BTC: variants seen among roughly 807,000 people sequenced by gnomAD.
BTC encodes betacellulin, also known as probetacellulin.
BTC carries 13 observed loss-of-function variants against 18.1 expected under a neutral mutation model. That is an observed-to-expected ratio of 0.72 (90% CI 0.47 to 1.14). The LOEUF is 1.14. Ranked by LOEUF, BTC falls within the 50% of genes most tolerant of loss-of-function variation. The pLI is 0.00. For synonymous variants in BTC, 83 were observed against 79.4 expected (o/e 1.05, Z -0.24); for missense variants, 247 against 224.2 (o/e 1.10, Z -0.65).
intron 1 of BTC, 71 bp from the exon 2 acceptor site, chr4:74,770,227 T>C (rs910331619): frequency 9.1e-6 from 10 of 1,099,598 alleles, no homozygotes; most frequent in African/African-American, 1.6e-5. Context: ...ATCAAAGTCA[T>C]CACCCATTTC....
At chr4:74,788,164 A>C (rs761775202) in intron 1 of BTC, among the ~76,000 whole-genome samples, 3 of 152,240 alleles carry the variant, frequency 2.0e-5, no homozygotes, top group Non-Finnish European at 4.4e-5. Flanking sequence ...TCAATAATTC[A>C]GGATTCCGAC....
chr4:74,793,085 T>C (rs1725677119), intron 1 of BTC, among the ~76,000 whole-genome samples: 1 of 152,242 alleles, frequency 6.6e-6, no homozygotes, highest in Admixed American at 6.5e-5. Context: ...CAAGCAATGC[T>C]GGCAAAAGCA....
chr4:74,770,572 A>G (rs1281297494), intron 1 of BTC, among the ~76,000 whole-genome samples: 1 of 152,202 alleles, frequency 6.6e-6, no homozygotes, highest in Non-Finnish European at 1.5e-5. Context: ...TCAGGTGTTA[A>G]CAACTGAATG....
intron 1 of BTC, among the ~76,000 whole-genome samples, chr4:74,771,728 A>C (rs1220284288): frequency 6.6e-6 from 1 of 152,252 alleles, no homozygotes. Flanking sequence ...GTAAATTAGT[A>C]CTGCTTTTCT....
At chr4:74,776,049 A>G (rs540371970) in intron 1 of BTC, among the ~76,000 whole-genome samples, 15 of 152,282 alleles carry the variant, frequency 9.9e-5, no homozygotes, top group African/African-American at 3.4e-4. Flanking sequence ...CTTTTTGCCT[A>G]TCACATTAAT....
chr4:74,760,734 ATTTTT>A (rs72231277), intron 2 of BTC, among the ~76,000 whole-genome samples: 6 of 135,868 alleles, frequency 4.4e-5, no homozygotes, highest in Admixed American at 7.4e-5. Context: ...TTAGCATGTC[ATTTTT>A]TTTTTTTTTT....
Position 74,783,859 on chromosome 4 carries a change from T to C in BTC, c.64+10403A>G, listed in dbSNP as rs1207036514. Among the ~76,000 whole-genome samples, 6 of 152,078 alleles carry C rather than the reference T, an allele frequency of 3.9e-5. No homozygotes were observed. The South Asian group carries it at 1.0e-3, about 26-fold the overall frequency. On this transcript the variant is annotated intron_variant, in intron 1 of 5. Coordinates refer to ENST00000395743, the MANE Select transcript of BTC (RefSeq NM_001729.4). ...CCCTTGTTAGCTATATTTCTAGGTA[T>C]TTTACTCTTTGTGTAGCAATTGTGA...
At chr4:74,776,116 G>C (rs1209890291) in intron 1 of BTC, among the ~76,000 whole-genome samples, 3 of 151,906 alleles carry the variant, frequency 2.0e-5, no homozygotes, top group African/African-American at 7.2e-5. Context: ...TTATACTGCT[G>C]GAAAGCAATA....
intron 1 of BTC, among the ~76,000 whole-genome samples, chr4:74,787,342 G>A (rs981676353): frequency 6.6e-6 from 1 of 152,102 alleles, no homozygotes; most frequent in South Asian, 2.1e-4. Flanking sequence ...ATAAATGAAA[G>A]CATTTCATGG....
At chr4:74,782,182 T>TA (rs1409941222) in intron 1 of BTC, among the ~76,000 whole-genome samples, 2 of 152,098 alleles carry the variant, frequency 1.3e-5, no homozygotes, top group Non-Finnish European at 2.9e-5. Flanking sequence ...ACATGTACCA[T>TA]AGTGGTTTGC....
At position 74,748,049 on chromosome 4, in the gene BTC, T is replaced by C. The variant is rs1045785088; in HGVS notation, c.529A>G (p.Ile177Val). The C allele has an allele frequency of 1.3e-6, 2 of 1,580,522 alleles. No individual in the cohort carries two copies. Among genetic ancestry groups the C allele is most frequent in the Non-Finnish European group, 8.7e-7 (1 of 1,154,164 alleles). Residue 177 changes from isoleucine (I) to valine (V), a missense_variant, in exon 5 of 6, where the codon ATT (isoleucine) becomes GTT (valine). Physicochemically the swap from Ile to Val is conservative, Grantham distance 29 (BLOSUM62 3). Coordinates refer to ENST00000395743, the MANE Select transcript of BTC (RefSeq NM_001729.4). The part of the protein sequence containing the change: ...PINEDIEETN[I>V]A ...AGTTTATCTCACTTACTTTAAGCAA[T>C]ATTTGTCTCTTCAATATCTTCATTG...
chr4:74,758,585 C>T (rs1031898888), intron 2 of BTC, among the ~76,000 whole-genome samples: 1 of 152,068 alleles, frequency 6.6e-6, no homozygotes, highest in Non-Finnish European at 1.5e-5. Context: ...GGCTATGTAT[C>T]CTAAACTTTA....
intron 1 of BTC, among the ~76,000 whole-genome samples, chr4:74,779,123 T>G (rs73825048): frequency 0.032 from 4,902 of 151,794 alleles, 244 homozygotes; most frequent in African/African-American, 0.11. Flanking sequence ...TCCTTCTTCC[T>G]CCAATGTAAA....
chr4:74,759,139 C>T (rs544157165), intron 2 of BTC, among the ~76,000 whole-genome samples: 35 of 152,090 alleles, frequency 2.3e-4, no homozygotes, highest in Non-Finnish European at 4.0e-4. Flanking sequence ...GCGTTTTCTG[C>T]CCATCATGAG....
At chr4:74,767,027 C>T (rs576511499) in intron 2 of BTC, among the ~76,000 whole-genome samples, 3 of 152,080 alleles carry the variant, frequency 2.0e-5, no homozygotes, top group Non-Finnish European at 4.4e-5. Flanking sequence ...CAAGAATGCC[C>T]AGTCTAACCG....
intron 1 of BTC, among the ~76,000 whole-genome samples, chr4:74,779,811 C>T (rs1451841492): frequency 2.6e-5 from 4 of 152,032 alleles, no homozygotes; most frequent in Non-Finnish European, 5.9e-5. Context: ...TTAGAGTAAG[C>T]CAACCCAACT....
chr4:74,760,349 C>G (rs543983308), intron 2 of BTC, among the ~76,000 whole-genome samples: 1 of 152,346 alleles, frequency 6.6e-6, no homozygotes, highest in South Asian at 2.1e-4. Flanking sequence ...CATCCTCCCA[C>G]ACATATAGGA....
At chr4:74,782,311 T>C (rs750991378) in intron 1 of BTC, among the ~76,000 whole-genome samples, 3 of 152,220 alleles carry the variant, frequency 2.0e-5, no homozygotes. Context: ...TGTGTCCATG[T>C]GTTCACATCA....
At position 74,745,078 on chromosome 4, in the gene BTC, A is replaced by G. The variant is rs1452501569; in HGVS notation, c.*1599T>C. The G allele has an allele frequency of 6.6e-6, 1 of 152,250 alleles. No homozygotes were observed. Among genetic ancestry groups the G allele is most frequent in the Non-Finnish European group, 1.5e-5 (1 of 68,052 alleles). The allele number at this position is 152,250 out of a possible 1,614,324, so 9.4% of individuals were successfully genotyped here. A position where few individuals can be genotyped will look rare whatever the true frequency, so the allele number is the denominator to read the frequency against. On this transcript the variant is annotated 3_prime_UTR_variant, in exon 6 of 6. Coordinates refer to ENST00000395743, the MANE Select transcript of BTC (RefSeq NM_001729.4). ...CTCCTTTCGTATCGAAGAAGACTAC[A>G]TAAGAGAAAGGGCATGAATGAGCTT...
Sources: gnomAD v4.1 joint callset for allele counts (sites outside exome capture counted in the v4.1 genomes callset) on GRCh38, gnomAD v4.1.1 for gene constraint, MANE v1.5 for transcripts, NCBI Gene and HGNC (gene_info 2026-07-23, HGNC 2026-07-21) for gene names.